The following GPR35 variants were observed in gnomAD, a reference collection of about 807,000 sequenced individuals.
The protein encoded by GPR35 is KYNA receptor.
For missense variants in GPR35, 372 were observed against 422.5 expected (o/e 0.88, Z 1.05); for synonymous variants, 207 against 198.4 (o/e 1.04, Z -0.36).
At chr2:240,624,903 G>C (rs1370797886), upstream of GPR35, among the ~76,000 whole-genome samples, 1 of 152,024 alleles carries the variant, frequency 6.6e-6, no homozygotes, top group South Asian at 2.1e-4. Flanking sequence ...CGGTGGCCAA[G>C]TCGGGGGGAA....
rs2043236008 is a variant in GPR35 at position 240,616,297 on chromosome 2, G to A, written c.-576-91G>A. ...AACCTCGACAGCAGTGGCTCCACAG[G>A]ATGCATACGAGGTCCCCGCGGTCCC... On this transcript the variant is annotated intron_variant, in intron 2 of 5. Transcript: ENST00000319838. The A allele has an allele frequency of 6.1e-6, 4 of 660,050 alleles. No individual in the cohort carries two copies. In the South Asian group the frequency reaches 6.9e-5, roughly 11 times the overall value. The allele number at this position is 660,050 out of a possible 1,614,324, so 40.9% of individuals were successfully genotyped here. A position where few individuals can be genotyped will look rare whatever the true frequency, so the allele number is the denominator to read the frequency against.
upstream of GPR35, among the ~76,000 whole-genome samples, chr2:240,623,465 AAACAGGTC>A (rs2043330017): frequency 1.3e-5 from 1 of 77,536 alleles, no homozygotes; most frequent in Non-Finnish European, 3.1e-5. Context: ...GTGAGGGTGC[AAACAGGTC>A]GTGAGGGCGC....
At chr2:240,621,840 T>TGGG (rs2043299315), upstream of GPR35, among the ~76,000 whole-genome samples, 1 of 152,202 alleles carries the variant, frequency 6.6e-6, no homozygotes, top group African/African-American at 2.4e-5. Context: ...AAGACTAAGC[T>TGGG]AAACTGTGCC....
intron 5 of GPR35, among the ~76,000 whole-genome samples, chr2:240,619,702 C>T (rs984597460): frequency 1.3e-5 from 2 of 152,250 alleles, no homozygotes; most frequent in African/African-American, 2.4e-5. Context: ...ACACGACACA[C>T]ACTCCGCTCT....
At chr2:240,622,039 AT>A (rs34528477), upstream of GPR35, among the ~76,000 whole-genome samples, 3,258 of 145,662 alleles carry the variant, frequency 0.022, 96 homozygotes, top group African/African-American at 0.077. Context: ...TGCGTGGCTG[AT>A]TTTTTTTTTT....
intron 2 of GPR35, among the ~76,000 whole-genome samples, chr2:240,614,267 C>T (rs527375167): frequency 1.1e-4 from 16 of 152,216 alleles, no homozygotes; most frequent in Non-Finnish European, 1.5e-4. Context: ...CAGCCTGGCT[C>T]TAACCCTAAC....
intron 2 of GPR35, among the ~76,000 whole-genome samples, chr2:240,607,998 C>T (rs931913317): frequency 6.6e-6 from 1 of 152,036 alleles, no homozygotes; most frequent in African/African-American, 2.4e-5. Flanking sequence ...CTCAAGTGAT[C>T]CTCCCACCTC....
intron 2 of GPR35, among the ~76,000 whole-genome samples, chr2:240,606,910 A>C (rs1356121330): frequency 1.3e-5 from 2 of 152,224 alleles, no homozygotes; most frequent in Non-Finnish European, 2.9e-5. Flanking sequence ...CATATGTTTG[A>C]AATCTTTCTC....
At chr2:240,610,422 A>G (rs2043171950) in intron 2 of GPR35, among the ~76,000 whole-genome samples, 1 of 152,046 alleles carries the variant, frequency 6.6e-6, no homozygotes, top group African/African-American at 2.4e-5. Context: ...GTTTATATTT[A>G]AAGTATATAT....
chr2:240,624,271 C>T (rs1360384807), upstream of GPR35, among the ~76,000 whole-genome samples: 2 of 151,612 alleles, frequency 1.3e-5, no homozygotes, highest in Non-Finnish European at 2.9e-5. Context: ...GATGAGGCCC[C>T]TCTCCAATGA....
exon 5 of GPR35, chr2:240,618,890 C>T (rs539594455): frequency 1.5e-5 from 10 of 676,890 alleles, no homozygotes; most frequent in Non-Finnish European, 2.4e-5. Flanking sequence ...TTTGCAAGTG[C>T]TCAGTGTCCT....
chr2:240,613,025 A>G (rs1167904420), intron 2 of GPR35, among the ~76,000 whole-genome samples: 1 of 152,260 alleles, frequency 6.6e-6, no homozygotes, highest in Non-Finnish European at 1.5e-5. Context: ...ATCAGTGGCA[A>G]TTCCTGGAAC....
At position 240,630,899 on chromosome 2, in the gene GPR35, G is replaced by T; in HGVS notation, c.*17G>T. 6.3e-7 allele frequency: 1 copy of T among 1,597,264 alleles called. No individual in the cohort carries two copies. Among genetic ancestry groups the T allele is most frequent in the African/African-American group, 1.3e-5 (1 of 74,540 alleles). On this transcript the variant is annotated 3_prime_UTR_variant, in exon 2 of 2. Coordinates refer to ENST00000407714, the MANE Select transcript of GPR35 (RefSeq NM_005301.5). ...CTCGCCTAAGAGGCGTGCTGTGGGC[G>T]CTGTGGGCCAGGTCTCGGGGGCTCC...
intron 2 of GPR35, among the ~76,000 whole-genome samples, chr2:240,613,858 TCTAACC>T (rs1037060621): frequency 2.7e-4 from 38 of 141,916 alleles, no homozygotes; most frequent in African/African-American, 8.9e-4. Flanking sequence ...TAACCAAAAC[TCTAACC>T]CTAACCCTAA....
At chr2:240,606,182 A>G (rs1433578380) in intron 1 of GPR35, among the ~76,000 whole-genome samples, 1 of 152,212 alleles carries the variant, frequency 6.6e-6, no homozygotes, top group Non-Finnish European at 1.5e-5. Context: ...ATCCCAGGGA[A>G]CATGGCACCA....
At chr2:240,625,999 G>A (rs183095561) in intron 1 of GPR35, among the ~76,000 whole-genome samples, 19 of 24,768 alleles carry the variant, frequency 7.7e-4, no homozygotes, top group Admixed American at 1.4e-3. Context: ...GGGTGAGGCT[G>A]TGATGGGGTC....
chr2:240,605,647 C>T (rs570155469), intron 1 of GPR35: 1 of 152,600 alleles, frequency 6.6e-6, no homozygotes, highest in East Asian at 1.9e-4. Flanking sequence ...CCGGGCAGGA[C>T]ACAGGATGCG....
intron 2 of GPR35, among the ~76,000 whole-genome samples, chr2:240,614,231 C>T (rs1299569515): frequency 6.6e-6 from 1 of 152,096 alleles, no homozygotes; most frequent in Non-Finnish European, 1.5e-5. Context: ...TAACCTGAAC[C>T]CTAACCCTAA....
chr2:240,608,102 G>A (rs1043427714), intron 2 of GPR35, among the ~76,000 whole-genome samples: 8 of 152,066 alleles, frequency 5.3e-5, no homozygotes, highest in African/African-American at 1.9e-4. Flanking sequence ...ATGTTGCTCG[G>A]GCTGGTCTTG....
Sources: allele counts gnomAD v4.1 joint callset (sites outside exome capture counted in the v4.1 genomes callset), GRCh38; gene constraint gnomAD v4.1.1; transcripts MANE v1.5; gene names NCBI Gene and HGNC (gene_info 2026-07-23, HGNC 2026-07-21).